Variants in SEL1L observed in about 807,000 individuals in gnomAD.
SEL1L encodes protein sel-1 homolog 1.
Under a neutral mutation model 109.8 loss-of-function variants are expected in SEL1L, and 52 were observed. The ratio of observed to expected loss-of-function variants is 0.47; its 90% CI spans 0.38 to 0.60. The LOEUF (loss-of-function observed/expected upper bound fraction) is 0.60. Ranked by LOEUF, SEL1L falls within the 20% of genes least tolerant of loss-of-function variation. The pLI is 0.00. For missense variants in SEL1L, 749 were observed against 962.2 expected (o/e 0.78, Z 2.93); for synonymous variants, 373 against 339.6 (o/e 1.10, Z -1.08).
In SEL1L at chr14:81,475,296, T is replaced by A. The variant is rs1274442856; in HGVS notation, c.*1676A>T. 1 of 152,582 alleles carries A rather than the reference T, an allele frequency of 6.6e-6. No individual in the cohort carries two copies. The highest frequency in any genetic ancestry group is 1.5e-5 in the Non-Finnish European group (1 of 68,026). 9.5% of individuals were successfully genotyped at this position (152,582 alleles called of 1,614,324 possible). On this transcript the variant is annotated 3_prime_UTR_variant, in exon 21 of 21. Transcript: ENST00000336735. ...TCATACATATGGCTCTCTTGGTGAC[T>A]AACTCTTCGAATTTGGAAGCAATTA...
chr14:81,483,731 T>G (rs770540373), intron 19 of SEL1L, among the ~76,000 whole-genome samples: 18 of 152,118 alleles, frequency 1.2e-4, no homozygotes, highest in Non-Finnish European at 1.8e-4. Flanking sequence ...AAGAAAAAAT[T>G]TAAATGCCAA....
intron 3 of SEL1L, among the ~76,000 whole-genome samples, chr14:81,516,765 A>G (rs573375963): frequency 1.9e-4 from 29 of 152,194 alleles, no homozygotes; most frequent in Non-Finnish European, 2.6e-4. Flanking sequence ...CCTCCCTGGT[A>G]GACAACATTT....
chr14:81,479,499 C>T (rs1378987511), intron 20 of SEL1L, 113 bp downstream of exon 20: 50 of 1,084,276 alleles, frequency 4.6e-5, no homozygotes, highest in Non-Finnish European at 6.4e-5. Flanking sequence ...AGGGAACACA[C>T]CCGATACCTG....
chr14:81,479,459 T>A, intron 20 of SEL1L, 153 bp downstream of exon 20: 1 of 590,258 alleles, frequency 1.7e-6, no homozygotes, highest in Non-Finnish European at 2.6e-6. Context: ...CCTCCCCTGA[T>A]AAGGTCCTCG....
rs1168552274 is a variant in SEL1L, at chr14:81,489,275, G to A, written c.1372C>T (p.Leu458Phe). Residue 458 changes from leucine to phenylalanine, a missense_variant, in exon 14 of 21, where the codon CTC (leucine) becomes TTC (phenylalanine). Around this residue, in one of 2 missense-constraint regions of SEL1L, gnomAD observed 383 missense variants for 562.5 expected, o/e 0.68. Coordinates refer to ENST00000336735, the MANE Select transcript of SEL1L (RefSeq NM_005065.6). The part of the protein sequence containing the change: ...VGQSGLGMAY[L>F]YGRGVQVNYD... ...ACAACTTGAACTCCTCTCCCATAGA[G>A]GTAGGCCATTCCAAGCCCACTCTGT... 1 of 1,614,130 alleles carries A rather than the reference G, an allele frequency of 6.2e-7. No homozygotes were observed.
chr14:81,520,720 T>C (rs1410978055), intron 3 of SEL1L, among the ~76,000 whole-genome samples: 1 of 152,060 alleles, frequency 6.6e-6, no homozygotes, highest in East Asian at 1.9e-4. Flanking sequence ...ATTGGAAGAG[T>C]CCTTGCTTAT....
Position 81,471,599 on chromosome 14 carries a change from A to G in SEL1L, c.*5373T>C, listed in dbSNP as rs1439254504. 1 of 152,210 alleles carries G rather than the reference A, an allele frequency of 6.6e-6. No individual in the cohort carries two copies. The highest frequency in any genetic ancestry group is 2.4e-5 in the African/African-American group (1 of 41,434). 9.4% of individuals were successfully genotyped at this position (152,210 alleles called of 1,614,324 possible). On this transcript the variant is annotated 3_prime_UTR_variant, in exon 21 of 21. Coordinates refer to ENST00000336735, the MANE Select transcript of SEL1L (RefSeq NM_005065.6). ...ACATTCCAAATTCAGTTAACTAACCACATTCCACTCAACTTACATGAGAAA... is the reference window on the plus strand; with the variant it reads ...ACATTCCAAATTCAGTTAACTAACCGCATTCCACTCAACTTACATGAGAAA...
At chr14:81,477,205 C>G in intron 20 of SEL1L, 24 bp from the exon 21 acceptor site, 1 of 1,555,212 alleles carries the variant, frequency 6.4e-7, no homozygotes, top group Non-Finnish European at 8.9e-7. Flanking sequence ...ATATAGAAAC[C>G]ATTATTATCA....
At chr14:81,504,073 T>C in intron 5 of SEL1L, 128 bp downstream of exon 5, 1 of 509,728 alleles carries the variant, frequency 2.0e-6, no homozygotes, top group Non-Finnish European at 3.5e-6. Flanking sequence ...TTATATTACA[T>C]TTTTTTGTAA....
intron 11 of SEL1L, among the ~76,000 whole-genome samples, chr14:81,494,345 C>T (rs1883659899): frequency 6.6e-6 from 1 of 152,214 alleles, no homozygotes; most frequent in African/African-American, 2.4e-5. Context: ...GCCACATTCT[C>T]TCTCACCTGA....
intron 1 of SEL1L, among the ~76,000 whole-genome samples, chr14:81,532,948 G>C (rs965078058): frequency 2.2e-4 from 33 of 152,162 alleles, no homozygotes; most frequent in African/African-American, 7.2e-4. Context: ...TTAAAAAAGG[G>C]GGAAAAAAGC....
At chr14:81,504,132 A>T in intron 5 of SEL1L, 69 bp downstream of exon 5, 1 of 905,742 alleles carries the variant, frequency 1.1e-6, no homozygotes, top group Non-Finnish European at 1.6e-6. Flanking sequence ...CTTTTTAAAG[A>T]ATGTAGTTGC....
chr14:81,484,473 A>G, intron 18 of SEL1L, 76 bp from the exon 19 acceptor site: 1 of 1,323,538 alleles, frequency 7.6e-7, no homozygotes. Flanking sequence ...TTCTCCTCCC[A>G]TTGACATGCT....
intron 1 of SEL1L, among the ~76,000 whole-genome samples, chr14:81,528,256 A>G (rs374616178): frequency 8.5e-4 from 129 of 152,340 alleles, no homozygotes; most frequent in African/African-American, 3.1e-3. Flanking sequence ...GCAGAGTTGC[A>G]AAACAATTAT....
chr14:81,504,784 T>TG (rs1884167812), intron 4 of SEL1L, among the ~76,000 whole-genome samples: 1 of 152,114 alleles, frequency 6.6e-6, no homozygotes, highest in South Asian at 2.1e-4. Flanking sequence ...CCCTTGGTGC[T>TG]GTTCTTGTGA....
chr14:81,490,546 T>C, intron 12 of SEL1L, 81 bp from the exon 13 acceptor site: 1 of 1,069,576 alleles, frequency 9.3e-7, no homozygotes, highest in Non-Finnish European at 1.4e-6. Context: ...CTCCTTTGAG[T>C]TTTGTCAGAT....
rs1432308817 is a variant in SEL1L at position 81,471,675 on chromosome 14, ATTG to A, written c.*5294_*5296del. On this transcript the variant is annotated 3_prime_UTR_variant, in exon 21 of 21. Coordinates refer to ENST00000336735, the MANE Select transcript of SEL1L (RefSeq NM_005065.6). ...ATTTAATATACAATTCAGCATTAACATTGTTATGTTTAAAAGAAATTAACCCAG... is the reference window on the plus strand; with the variant it reads ...ATTTAATATACAATTCAGCATTAACATTATGTTTAAAAGAAATTAACCCAG... 1 of 152,252 alleles carries A rather than the reference ATTG, an allele frequency of 6.6e-6. No individual in the cohort carries two copies. The highest frequency in any genetic ancestry group is 1.9e-4 in the East Asian group (1 of 5,204). The allele number at this position is 152,252 out of a possible 1,614,324, so 9.4% of individuals were successfully genotyped here.
rs1595499417 is a variant in SEL1L at position 81,477,750 on chromosome 14, T to C, written c.2176-569A>G. ...ATTGCCTGAACCCAGGAGGTGGAGG[T>C]TGCGGTGAGCCGAGACTGTGCCACT... On this transcript the variant is annotated intron_variant, in intron 20 of 20. Coordinates refer to ENST00000336735, the MANE Select transcript of SEL1L (RefSeq NM_005065.6). Among the ~76,000 whole-genome samples the C allele has an allele frequency of 2.0e-5, 3 of 151,988 alleles. No individual in the cohort carries two copies. The South Asian group carries it at 6.2e-4, about 32-fold the overall frequency.
chr14:81,486,469 GA>G lies in SEL1L; in HGVS notation c.1633-16del, dbSNP rs769177565. The G allele has an allele frequency of 2.3e-5, 36 of 1,599,994 alleles. No homozygotes were observed. Among genetic ancestry groups the G allele is most frequent in the Admixed American group, 3.5e-5 (2 of 57,404 alleles). The stretch of plus-strand genomic sequence containing the variant: ...TTCTTAAACAACTGTGTGAGGTGGG[GA>G]AAAAAAATATCAGTAGAAGAAAATA... On this transcript the variant is annotated splice_polypyrimidine_tract_variant and intron_variant, in intron 16 of 20. Transcript: ENST00000336735.
Sources: allele counts gnomAD v4.1 joint callset (sites outside exome capture counted in the v4.1 genomes callset), GRCh38; gene constraint gnomAD v4.1.1; regional missense constraint gnomAD v4.1.1; transcripts MANE v1.5; gene names NCBI Gene and HGNC (gene_info 2026-07-23, HGNC 2026-07-21).